Variants in RARB observed in about 807,000 individuals in gnomAD.
RARB encodes HBV-activated protein.
A neutral mutation model predicts 51.9 loss-of-function variants in RARB; 17 were observed. The ratio of observed to expected loss-of-function variants is 0.33; its 90% CI spans 0.22 to 0.49. The LOEUF (loss-of-function observed/expected upper bound fraction) is 0.49, where lower values mean the gene tolerates loss of function less well. RARB is among the 20% of genes least tolerant of loss of function. The pLI is 0.99. For missense variants in RARB, 369 were observed against 550.8 expected, an observed-to-expected ratio of 0.67 and a Z score of 3.30; for synonymous variants, 215 against 195.4, an observed-to-expected ratio of 1.10 and a Z score of -0.84.
At chr3:25,129,447 A>T (rs779270032) in intron 3 of RARB, among the ~76,000 whole-genome samples, 1 of 152,096 alleles carries the variant, frequency 6.6e-6, no homozygotes, top group African/African-American at 2.4e-5. Flanking sequence ...GAGATTATGT[A>T]GGTTCAATTT....
At chr3:24,985,297 C>T (rs892695697) in intron 2 of RARB, among the ~76,000 whole-genome samples, 6 of 151,728 alleles carry the variant, frequency 4.0e-5, no homozygotes, top group East Asian at 1.9e-4. Flanking sequence ...GAGCAGCAAT[C>T]GGACTTACAC....
intron 2 of RARB, among the ~76,000 whole-genome samples, chr3:25,033,690 T>C (rs1335864737): frequency 6.6e-6 from 1 of 152,132 alleles, no homozygotes; most frequent in Non-Finnish European, 1.5e-5. Context: ...GGCTGCAGCT[T>C]TATCTCTGCC....
chr3:25,114,252 T>A (rs999705904), intron 3 of RARB, among the ~76,000 whole-genome samples: 1 of 152,184 alleles, frequency 6.6e-6, no homozygotes, highest in African/African-American at 2.4e-5. Context: ...TCTTGCCTCC[T>A]TTGGTGCAGC....
chr3:25,232,734 A>C (rs1575239773), intron 5 of RARB, among the ~76,000 whole-genome samples: 1 of 152,146 alleles, frequency 6.6e-6, no homozygotes, highest in African/African-American at 2.4e-5. Context: ...AATGGTCCAA[A>C]AATGATTCAC....
intron 2 of RARB, among the ~76,000 whole-genome samples, chr3:24,882,856 A>C (rs1195231969): frequency 7.2e-5 from 11 of 152,198 alleles, no homozygotes; most frequent in African/African-American, 2.7e-4. Flanking sequence ...TGATTGGTTG[A>C]TGAAGGCATA....
intron 5 of RARB, among the ~76,000 whole-genome samples, chr3:25,175,758 TC>T (rs1464340229): frequency 2.0e-5 from 3 of 152,194 alleles, no homozygotes; most frequent in African/African-American, 7.2e-5. Context: ...GATGAGTCTT[TC>T]CTTCTGTGTT....
chr3:25,484,102 A>C (rs752977531), intron 2 of RARB, among the ~76,000 whole-genome samples: 2 of 152,228 alleles, frequency 1.3e-5, no homozygotes, highest in Non-Finnish European at 1.5e-5. Context: ...TTAGAGTTAA[A>C]TACATTAATT....
At chr3:25,257,114 G>T (rs961877835) in intron 5 of RARB, among the ~76,000 whole-genome samples, 1 of 152,128 alleles carries the variant, frequency 6.6e-6, no homozygotes, top group African/African-American at 2.4e-5. Context: ...AATAGGGAAT[G>T]AACTTACCAG....
chr3:25,584,467 A>G (rs1575542227), intron 5 of RARB, among the ~76,000 whole-genome samples: 2 of 152,162 alleles, frequency 1.3e-5, no homozygotes, highest in Non-Finnish European at 2.9e-5. Context: ...TGAAGAAACA[A>G]TTTCCCAGTG....
At chr3:25,326,213 T>G (rs1704712246) in intron 5 of RARB, among the ~76,000 whole-genome samples, 1 of 152,306 alleles carries the variant, frequency 6.6e-6, no homozygotes, top group East Asian at 1.9e-4. Flanking sequence ...TGAGGGGCAG[T>G]GTGATTGGTA....
chr3:25,591,351 C>T (rs909344370), intron 5 of RARB, among the ~76,000 whole-genome samples: 2 of 152,168 alleles, frequency 1.3e-5, no homozygotes, highest in African/African-American at 4.8e-5. Context: ...AGCAGGCAGG[C>T]CAACGTGAAT....
chr3:24,867,370 C>A (rs1702869685), intron 2 of RARB, among the ~76,000 whole-genome samples: 1 of 152,136 alleles, frequency 6.6e-6, no homozygotes. Flanking sequence ...TAAATGAGAT[C>A]TTTCACTGCC....
At chr3:24,846,867 T>C (rs150262966) in intron 1 of RARB, among the ~76,000 whole-genome samples, 2 of 143,668 alleles carry the variant, frequency 1.4e-5, no homozygotes, top group Admixed American at 6.7e-5. Flanking sequence ...ATGGCCAAAA[T>C]TGGAAAAAAA....
chr3:25,080,814 T>A (rs1274913513), intron 3 of RARB, among the ~76,000 whole-genome samples: 1 of 152,168 alleles, frequency 6.6e-6, no homozygotes, highest in Non-Finnish European at 1.5e-5. Flanking sequence ...CCTTATCAGG[T>A]ATGTTTTGCA....
At chr3:25,194,998 A>G (rs1225791442) in intron 5 of RARB, among the ~76,000 whole-genome samples, 2 of 151,996 alleles carry the variant, frequency 1.3e-5, no homozygotes, top group Non-Finnish European at 2.9e-5. Flanking sequence ...TATACCTCCA[A>G]TGGATATTTT....
chr3:24,923,128 A>G (rs1178069864), intron 2 of RARB, among the ~76,000 whole-genome samples: 2 of 152,204 alleles, frequency 1.3e-5, no homozygotes, highest in Admixed American at 6.5e-5. Flanking sequence ...TGAGCTATCC[A>G]TTTAGCACAT....
intron 2 of RARB, among the ~76,000 whole-genome samples, chr3:25,018,914 C>A (rs115584415): frequency 6.6e-6 from 1 of 152,286 alleles, no homozygotes; most frequent in South Asian, 2.1e-4. Context: ...AGTCATTTTT[C>A]CCCTTCCCAT....
In RARB at chr3:25,192,323, G is replaced by A. The variant is rs117035173; in HGVS notation, c.178+17748G>A. ...TAAAAGATTTTGATTGGTAAAGATC[G>A]TGTAATTGTTTTAAAACTATTGGTT... On this transcript the variant is annotated intron_variant, in intron 5 of 11. Transcript: ENST00000383772. Among the ~76,000 whole-genome samples, 311 of 152,162 alleles carry A rather than the reference G, an allele frequency of 2.0e-3. 2 individuals carry two copies. In the East Asian group the frequency reaches 0.021, roughly 10 times the overall value.
intron 5 of RARB, among the ~76,000 whole-genome samples, chr3:25,207,276 C>A (rs1275442424): frequency 6.6e-6 from 1 of 151,814 alleles, no homozygotes; most frequent in African/African-American, 2.4e-5. Flanking sequence ...CTCTGTGATC[C>A]TCCCCTGTGC....
Sources: gnomAD v4.1 joint callset for allele counts (sites outside exome capture counted in the v4.1 genomes callset) on GRCh38, gnomAD v4.1.1 for gene constraint, MANE v1.5 for transcripts, NCBI Gene and HGNC (gene_info 2026-07-23, HGNC 2026-07-21) for gene names.